The following BCKDHB variants were observed in gnomAD, a reference collection of about 807,000 sequenced individuals.
BCKDHB encodes branched chain keto acid dehydrogenase E1 subunit beta, also known as 2-oxoisovalerate dehydrogenase subunit beta, mitochondrial.
A neutral mutation model predicts 48.5 loss-of-function variants in BCKDHB; 41 were observed. That is an observed-to-expected ratio of 0.85 (90% CI 0.66 to 1.10). The LOEUF (loss-of-function observed/expected upper bound fraction) is 1.10. BCKDHB is among the 50% of genes least tolerant of loss of function. The pLI, the probability that BCKDHB is intolerant of heterozygous loss-of-function variation, is 0.00. For synonymous variants in BCKDHB, 201 were observed against 174.8 expected (o/e 1.15, Z -1.18); for missense variants, 496 against 494.2 (o/e 1.00, Z -0.03).
the BCKDHB span, among the ~76,000 whole-genome samples, chr6:80,424,261 G>T: frequency 6.6e-6 from 1 of 152,174 alleles, no homozygotes; most frequent in Admixed American, 6.6e-5. Flanking sequence ...TCTTGAGCCA[G>T]AATTCTTATT....
At chr6:80,317,851 AT>A (rs1768528222) in intron 9 of BCKDHB, among the ~76,000 whole-genome samples, 1 of 152,230 alleles carries the variant, frequency 6.6e-6, no homozygotes, top group East Asian at 1.9e-4. Context: ...AACCCAGTGT[AT>A]CAGGCTCCAG....
chr6:80,110,999 A>G (rs1021043219), intron 1 of BCKDHB, among the ~76,000 whole-genome samples: 24 of 152,282 alleles, frequency 1.6e-4, no homozygotes, highest in Non-Finnish European at 2.9e-4. Context: ...ATGATGCTTA[A>G]ATTGTAGTAG....
the BCKDHB span, among the ~76,000 whole-genome samples, chr6:80,406,296 G>A: frequency 3.5e-4 from 54 of 152,312 alleles, no homozygotes; most frequent in African/African-American, 1.3e-3. Flanking sequence ...ATGTGTGCAT[G>A]TGTCTTTATA....
intron 9 of BCKDHB, among the ~76,000 whole-genome samples, chr6:80,340,877 G>C (rs944019316): frequency 6.6e-6 from 1 of 152,166 alleles, no homozygotes; most frequent in Admixed American, 6.5e-5. Context: ...TTCTGTTTTG[G>C]TGGTAGTGCA....
intron 1 of BCKDHB, among the ~76,000 whole-genome samples, chr6:80,115,036 C>T (rs938453976): frequency 3.9e-5 from 6 of 152,196 alleles, no homozygotes; most frequent in African/African-American, 1.4e-4. Flanking sequence ...CTTTAGTTGA[C>T]CCTTCCTCAT....
At chr6:80,358,170 T>C in the BCKDHB span, among the ~76,000 whole-genome samples, 1 of 152,170 alleles carries the variant, frequency 6.6e-6, no homozygotes, top group Non-Finnish European at 1.5e-5. Flanking sequence ...CTTCCTAACC[T>C]TCTATGTATT....
chr6:80,163,206 C>T (rs896639597), intron 3 of BCKDHB, among the ~76,000 whole-genome samples: 2 of 151,112 alleles, frequency 1.3e-5, no homozygotes, highest in Non-Finnish European at 3.0e-5. Flanking sequence ...CGCCTGGCTT[C>T]TTCTCTCTTT....
At chr6:80,179,615 C>T (rs375741825) in intron 6 of BCKDHB, among the ~76,000 whole-genome samples, 9 of 152,182 alleles carry the variant, frequency 5.9e-5, no homozygotes, top group African/African-American at 1.9e-4. Context: ...CCCATGCATA[C>T]CAAGGGATGA....
At chr6:80,445,247 A>T in the BCKDHB span, among the ~76,000 whole-genome samples, 18 of 152,200 alleles carry the variant, frequency 1.2e-4, no homozygotes, top group Admixed American at 6.5e-4. Context: ...TGCTTTCAGT[A>T]TACAGGACTG....
intron 9 of BCKDHB, among the ~76,000 whole-genome samples, chr6:80,331,190 C>T (rs1052782963): frequency 3.9e-5 from 6 of 152,138 alleles, no homozygotes; most frequent in Non-Finnish European, 5.9e-5. Flanking sequence ...TCCGGCAACC[C>T]ACCCAGTTGA....
intron 9 of BCKDHB, chr6:80,307,660 T>A (rs1767946042): frequency 4.1e-6 from 4 of 973,722 alleles, no homozygotes; most frequent in Admixed American, 6.2e-5. Flanking sequence ...GTAAAAAAAA[T>A]TATTTGTATT....
At chr6:80,211,902 G>A (rs1264866440) in intron 8 of BCKDHB, among the ~76,000 whole-genome samples, 1 of 152,118 alleles carries the variant, frequency 6.6e-6, no homozygotes, top group African/African-American at 2.4e-5. Context: ...TTTATTAAGG[G>A]CTTCAAAAGG....
At chr6:80,458,942 C>A in the BCKDHB span, among the ~76,000 whole-genome samples, 1 of 152,054 alleles carries the variant, frequency 6.6e-6, no homozygotes, top group Non-Finnish European at 1.5e-5. Context: ...TCACACTTGT[C>A]AGGATGACTA....
At chr6:80,415,154 G>A in the BCKDHB span, among the ~76,000 whole-genome samples, 4 of 152,100 alleles carry the variant, frequency 2.6e-5, no homozygotes, top group Admixed American at 1.3e-4. Flanking sequence ...AGCTGAAGGC[G>A]CTTTTGGGCC....
At chr6:80,113,911 G>C (rs1003221871) in intron 1 of BCKDHB, among the ~76,000 whole-genome samples, 4 of 152,306 alleles carry the variant, frequency 2.6e-5, no homozygotes, top group Admixed American at 2.6e-4. Context: ...GTCATAGAAA[G>C]CAACCATTCA....
At chr6:80,426,824 C>T in the BCKDHB span, among the ~76,000 whole-genome samples, 1 of 152,002 alleles carries the variant, frequency 6.6e-6, no homozygotes, top group Non-Finnish European at 1.5e-5. Flanking sequence ...CTATAAATAT[C>T]TGTTAGATTA....
chr6:80,123,166 A>G (rs933309173), intron 1 of BCKDHB, among the ~76,000 whole-genome samples: 3 of 151,926 alleles, frequency 2.0e-5, no homozygotes, highest in Admixed American at 2.0e-4. Context: ...GTTCCCTAAA[A>G]ATTGCTGTTA....
chr6:80,463,523 A>T, the BCKDHB span, among the ~76,000 whole-genome samples: 1 of 152,188 alleles, frequency 6.6e-6, no homozygotes, highest in East Asian at 1.9e-4. Context: ...AGTTTAAAAG[A>T]TAGAGAAATG....
chr6:80,145,559 G>A (rs1771441501), intron 3 of BCKDHB, among the ~76,000 whole-genome samples: 1 of 152,184 alleles, frequency 6.6e-6, no homozygotes, highest in Non-Finnish European at 1.5e-5. Context: ...AGCTTCTGCT[G>A]CCTGGCAACT....
Sources: gnomAD v4.1 joint callset for allele counts (sites outside exome capture counted in the v4.1 genomes callset) on GRCh38, gnomAD v4.1.1 for gene constraint, MANE v1.5 for transcripts, NCBI Gene and HGNC (gene_info 2026-07-23, HGNC 2026-07-21) for gene names.